MCF2L2: variants seen among roughly 807,000 people sequenced by gnomAD.
The protein encoded by MCF2L2 is MCF.2 cell line derived transforming sequence-like 2.
In MCF2L2, 102 loss-of-function variants were observed where a neutral mutation model predicts 150.2. The ratio of observed to expected loss-of-function variants is 0.68; its 90% CI spans 0.58 to 0.80. The LOEUF is 0.80. MCF2L2 is among the 30% of genes least tolerant of loss of function. MCF2L2 has a pLI of 0.00. For synonymous variants in MCF2L2, 465 were observed against 491.3 expected (o/e 0.95, Z 0.71); for missense variants, 1,256 against 1,372.8 (o/e 0.91, Z 1.34).
At chr3:183,288,908 C>A (rs1218660497) in intron 14 of MCF2L2, among the ~76,000 whole-genome samples, 2 of 151,994 alleles carry the variant, frequency 1.3e-5, no homozygotes, top group Admixed American at 6.6e-5. Flanking sequence ...ACATACATGA[C>A]CAAATAGCTT....
chr3:183,395,793 G>A (rs773733893), intron 1 of MCF2L2, among the ~76,000 whole-genome samples: 5 of 151,472 alleles, frequency 3.3e-5, no homozygotes, highest in Non-Finnish European at 5.9e-5. Flanking sequence ...TGGCACGTGC[G>A]TGTAATCCCA....
chr3:183,380,234 T>C (rs1238813633), intron 2 of MCF2L2, among the ~76,000 whole-genome samples: 1 of 152,160 alleles, frequency 6.6e-6, no homozygotes, highest in Non-Finnish European at 1.5e-5. Context: ...GACTAAGTTC[T>C]AGCCCCACAG....
At chr3:183,368,580 A>G (rs1386134192) in intron 3 of MCF2L2, among the ~76,000 whole-genome samples, 3 of 152,142 alleles carry the variant, frequency 2.0e-5, no homozygotes, top group African/African-American at 7.2e-5. Flanking sequence ...CCTGGCCAAC[A>G]TGGTGAAACT....
At chr3:183,421,169 C>T (rs995667679) in intron 1 of MCF2L2, among the ~76,000 whole-genome samples, 4 of 146,644 alleles carry the variant, frequency 2.7e-5, no homozygotes, top group African/African-American at 7.6e-5. Flanking sequence ...TACCTTTTTC[C>T]TACTTCAACA....
intron 10 of MCF2L2, among the ~76,000 whole-genome samples, chr3:183,306,157 C>T (rs1186318268): frequency 1.3e-5 from 2 of 152,232 alleles, no homozygotes; most frequent in Non-Finnish European, 2.9e-5. Flanking sequence ...CCATCCCTAT[C>T]CGACTTCCAA....
At position 183,206,125 on chromosome 3, in the gene MCF2L2, C is replaced by A. The variant is rs1229582933; in HGVS notation, c.2802G>T (p.Leu934=). The A allele has an allele frequency of 1.2e-6, 2 of 1,613,708 alleles. No homozygotes were observed. Among genetic ancestry groups the A allele is most frequent in the Admixed American group, 1.7e-5 (1 of 59,988 alleles). ...ATGGGGAAGGCATGAGCGTTACCTG[C>A]AGGATGTATTTCTCAAGTCCATTTC... ...ASRNGLEKYI[L]QAASKEIRDC... is the part of the protein sequence containing the mutation. Residue 934 remains leucine, a synonymous_variant, in exon 24 of 30, where the codon CTG becomes CTT. Transcript: ENST00000328913.
chr3:183,341,363 T>C (rs1034448051), intron 4 of MCF2L2, among the ~76,000 whole-genome samples, 177 bp downstream of exon 4: 1 of 152,220 alleles, frequency 6.6e-6, no homozygotes, highest in Admixed American at 6.5e-5. Context: ...CAGAATTGTT[T>C]GCAGGTGACC....
At chr3:183,312,365 AC>A (rs1452642040) in intron 7 of MCF2L2, among the ~76,000 whole-genome samples, 2 of 152,174 alleles carry the variant, frequency 1.3e-5, no homozygotes, top group Admixed American at 6.5e-5. Flanking sequence ...GAGACTTAGT[AC>A]TATGCAGCTG....
intron 1 of MCF2L2, among the ~76,000 whole-genome samples, chr3:183,409,044 TCTTC>T (rs1304265145): frequency 1.3e-5 from 2 of 152,270 alleles, no homozygotes; most frequent in African/African-American, 4.8e-5. Flanking sequence ...GGCAAACATT[TCTTC>T]CTTAACAGGC....
chr3:183,318,314 G>A, intron 6 of MCF2L2, 97 bp from the exon 7 acceptor site: 1 of 1,353,226 alleles, frequency 7.4e-7, no homozygotes, highest in Non-Finnish European at 1.1e-6. Flanking sequence ...TAAAATTAGT[G>A]AATAATCACC....
Position 183,180,074 on chromosome 3 carries a change from CAG to C in MCF2L2, c.3100_3101del (p.Leu1034GlufsTer37). 1 of 1,611,886 alleles carries C rather than the reference CAG, an allele frequency of 6.2e-7. No individual in the cohort carries two copies. On this transcript the variant is annotated frameshift_variant, in exon 28 of 30. Transcript: ENST00000328913. LOFTEE classifies it high-confidence loss of function. ...GAAACAAAAGGGAAGTAATTACACT[CAG>C]AGCACTGCTCTCCTTTTCCATGTCT... ...AEDMEKESSA[L>X]SLAGLFQSDD...
At chr3:183,278,125 G>A (rs1040419397) in intron 14 of MCF2L2, among the ~76,000 whole-genome samples, 7 of 151,382 alleles carry the variant, frequency 4.6e-5, no homozygotes, top group South Asian at 2.1e-4. Context: ...CAGAGGTTGC[G>A]GTGAGCTGAG....
chr3:183,345,484 A>G (rs1730862594), intron 3 of MCF2L2, among the ~76,000 whole-genome samples: 1 of 152,198 alleles, frequency 6.6e-6, no homozygotes, highest in Admixed American at 6.5e-5. Context: ...TCTAAAATCA[A>G]CACCCTAACA....
intron 25 of MCF2L2, among the ~76,000 whole-genome samples, chr3:183,201,885 T>C (rs943030767): frequency 3.9e-5 from 6 of 152,248 alleles, no homozygotes; most frequent in African/African-American, 1.4e-4. Flanking sequence ...GAGATAATCA[T>C]GTGGTTTTTG....
chr3:183,298,144 G>A (rs1168560592), intron 11 of MCF2L2: 1 of 152,180 alleles, frequency 6.6e-6, no homozygotes, highest in Non-Finnish European at 1.5e-5. Flanking sequence ...TGGATGCTGG[G>A]AGGACATTAG....
At chr3:183,370,822 A>G (rs1344267512) in intron 3 of MCF2L2, among the ~76,000 whole-genome samples, 1 of 152,210 alleles carries the variant, frequency 6.6e-6, no homozygotes, top group Non-Finnish European at 1.5e-5. Flanking sequence ...TACTCTTAAT[A>G]AAACCAAGGA....
At chr3:183,322,674 GGTTT>G (rs1729860997) in intron 6 of MCF2L2, among the ~76,000 whole-genome samples, 1 of 152,124 alleles carries the variant, frequency 6.6e-6, no homozygotes, top group Non-Finnish European at 1.5e-5. Flanking sequence ...TACATGTGCA[GGTTT>G]GTTACATGGG....
rs1274409464 is a variant in MCF2L2 at position 183,305,670 on chromosome 3, G to T, written c.1113+4046C>A. 4.6e-5 allele frequency among the ~76,000 whole-genome samples: 7 copies of T among 152,186 alleles called. No individual in the cohort carries two copies. Among genetic ancestry groups the T allele is most frequent in the African/African-American group, 1.4e-4 (6 of 41,438 alleles). ...TAGAGACCAGCCTGACCAACATGGTGAAACCCCATCTCTACTAAAAATACA... is the reference window on the plus strand; with the variant it reads ...TAGAGACCAGCCTGACCAACATGGTTAAACCCCATCTCTACTAAAAATACA... On this transcript the variant is annotated intron_variant, in intron 10 of 29. Coordinates refer to ENST00000328913, the MANE Select transcript of MCF2L2 (RefSeq NM_015078.4). The surrounding 1 kb of genome is among the most constrained non-coding windows in gnomAD (Gnocchi z 4.1).
intron 14 of MCF2L2, among the ~76,000 whole-genome samples, chr3:183,285,002 T>C (rs1405392009): frequency 1.3e-5 from 2 of 152,218 alleles, no homozygotes; most frequent in East Asian, 3.8e-4. Flanking sequence ...GAATCAGAAA[T>C]ATTAATAAAA....
Sources: allele counts gnomAD v4.1 joint callset (sites outside exome capture counted in the v4.1 genomes callset), GRCh38; gene constraint gnomAD v4.1.1; non-coding constraint Gnocchi (gnomAD v3.1); transcripts MANE v1.5; gene names NCBI Gene and HGNC (gene_info 2026-07-23, HGNC 2026-07-21).